The following TBC1D1 variants were observed in gnomAD, a reference collection of about 807,000 sequenced individuals.
The protein encoded by TBC1D1 is TBC1 domain family member 1.
Under a neutral mutation model 125.6 loss-of-function variants are expected in TBC1D1, and 89 were observed. The ratio of observed to expected loss-of-function variants is 0.71; its 90% confidence interval spans 0.60 to 0.85. The LOEUF (loss-of-function observed/expected upper bound fraction) is 0.85. Ranked by LOEUF, TBC1D1 falls within the 40% of genes least tolerant of loss-of-function variation. TBC1D1 has a pLI of 0.00. For synonymous variants in TBC1D1, 565 were observed against 564.1 expected, an observed-to-expected ratio of 1.00 and a Z score of -0.02; for missense variants, 1,377 against 1,469.2, an observed-to-expected ratio of 0.94 and a Z score of 1.03.
intron 2 of TBC1D1, among the ~76,000 whole-genome samples, chr4:37,929,470 C>T (rs993069622): frequency 1.3e-5 from 2 of 152,208 alleles, no homozygotes; most frequent in Admixed American, 6.5e-5. Context: ...ACCCCACCCT[C>T]GGACCCCTGG....
intron 6 of TBC1D1, among the ~76,000 whole-genome samples, chr4:38,022,990 G>A (rs1458300542): frequency 6.6e-6 from 1 of 152,136 alleles, no homozygotes; most frequent in African/African-American, 2.4e-5. Flanking sequence ...GCTGAGGTGG[G>A]CAGATCACTT....
intron 16 of TBC1D1, among the ~76,000 whole-genome samples, chr4:38,117,103 A>G (rs576064589): frequency 2.0e-5 from 3 of 152,038 alleles, no homozygotes; most frequent in Non-Finnish European, 4.4e-5. Context: ...TATGTAACAC[A>G]CAACTCTTTT....
intron 9 of TBC1D1, among the ~76,000 whole-genome samples, chr4:38,045,267 G>T (rs1179997232): frequency 6.6e-6 from 1 of 151,980 alleles, no homozygotes; most frequent in Non-Finnish European, 1.5e-5. Context: ...AGTTCTTTTT[G>T]ATTTTATGGC....
chr4:38,075,184 T>G (rs1222246518), intron 12 of TBC1D1, among the ~76,000 whole-genome samples: 1 of 152,256 alleles, frequency 6.6e-6, no homozygotes, highest in Non-Finnish European at 1.5e-5. Flanking sequence ...CATTTGAACT[T>G]GTCCACTTTA....
chr4:38,041,634 A>G (rs76895664), intron 8 of TBC1D1, among the ~76,000 whole-genome samples: 1 of 152,124 alleles, frequency 6.6e-6, no homozygotes, highest in African/African-American at 2.4e-5. Flanking sequence ...TGAGTGAATC[A>G]AAAAAAATTT....
chr4:38,061,497 T>C (rs771675305), intron 12 of TBC1D1, among the ~76,000 whole-genome samples: 2 of 152,244 alleles, frequency 1.3e-5, no homozygotes, highest in Non-Finnish European at 2.9e-5. Context: ...TTTTATACTT[T>C]TCCTTTAAGC....
intron 2 of TBC1D1, among the ~76,000 whole-genome samples, chr4:37,908,556 A>G (rs917738448): frequency 4.6e-5 from 7 of 152,142 alleles, no homozygotes; most frequent in African/African-American, 1.7e-4. Context: ...GAAATATGTC[A>G]TGGCTCTTCA....
In TBC1D1 at chr4:38,047,340, G is replaced by C. The variant is rs138115109; in HGVS notation, c.1629+1437G>C. ...AGATTCTGGTTCAGTAGGCAGGGTG[G>C]GGGGAGCCCTGAAATGCTGCATTTC... On this transcript the variant is annotated intron_variant, in intron 10 of 19. Coordinates refer to ENST00000261439, the MANE Select transcript of TBC1D1 (RefSeq NM_015173.4). Among the ~76,000 whole-genome samples, 453 of 152,208 alleles carry C rather than the reference G, an allele frequency of 3.0e-3. 2 individuals carry two copies. The highest frequency in any genetic ancestry group is 6.8e-3 in the Middle Eastern group (2 of 294).
chr4:37,964,660 C>T (rs534802584), intron 2 of TBC1D1, among the ~76,000 whole-genome samples: 17 of 152,340 alleles, frequency 1.1e-4, no homozygotes, highest in Admixed American at 3.9e-4. Context: ...CAGCCTACTG[C>T]GGGTCTCACT....
chr4:37,984,023 T>C (rs1324622760), intron 2 of TBC1D1, among the ~76,000 whole-genome samples: 1 of 152,228 alleles, frequency 6.6e-6, no homozygotes, highest in African/African-American at 2.4e-5. Flanking sequence ...AGTATATATG[T>C]AGCCTTTTCG....
chr4:37,982,497 T>C (rs1734534851), intron 2 of TBC1D1, among the ~76,000 whole-genome samples: 1 of 152,210 alleles, frequency 6.6e-6, no homozygotes, highest in African/African-American at 2.4e-5. Context: ...GCAAAGCTGG[T>C]ATAACCCTGA....
intron 12 of TBC1D1, among the ~76,000 whole-genome samples, chr4:38,088,271 A>T (rs1053800990): frequency 1.3e-5 from 2 of 152,214 alleles, no homozygotes; most frequent in Non-Finnish European, 2.9e-5. Context: ...CTAAGTATAC[A>T]GGGTTTGGGG....
chr4:38,105,586 C>T (rs549258683), intron 15 of TBC1D1, among the ~76,000 whole-genome samples: 4 of 152,206 alleles, frequency 2.6e-5, no homozygotes, highest in South Asian at 4.2e-4. Context: ...CCCTTGCCTT[C>T]CTCCCTCCCT....
chr4:38,085,540 T>G (rs1163393262), intron 12 of TBC1D1, among the ~76,000 whole-genome samples: 1 of 152,186 alleles, frequency 6.6e-6, no homozygotes, highest in Non-Finnish European at 1.5e-5. Context: ...GGCATATGTT[T>G]TCCCAAGAGG....
intron 10 of TBC1D1, among the ~76,000 whole-genome samples, chr4:38,047,046 C>G (rs1749625293): frequency 6.6e-6 from 1 of 152,192 alleles, no homozygotes; most frequent in African/African-American, 2.4e-5. Context: ...ACACACATAC[C>G]TACACATTCA....
chr4:38,001,874 A>G (rs1425382109), intron 2 of TBC1D1, among the ~76,000 whole-genome samples: 1 of 152,236 alleles, frequency 6.6e-6, no homozygotes, highest in Non-Finnish European at 1.5e-5. Context: ...CTTGTTAAAT[A>G]TGGCAGTAAG....
chr4:38,082,877 A>G (rs1305744065), intron 12 of TBC1D1, among the ~76,000 whole-genome samples: 1 of 152,000 alleles, frequency 6.6e-6, no homozygotes, highest in Non-Finnish European at 1.5e-5. Flanking sequence ...CCTCATCTCT[A>G]AGTCATCCTT....
intron 2 of TBC1D1, among the ~76,000 whole-genome samples, chr4:37,986,652 G>C (rs1394161062): frequency 6.6e-6 from 1 of 152,042 alleles, no homozygotes; most frequent in South Asian, 2.1e-4. Context: ...CGCCATGTTG[G>C]CCAGGTTGGT....
At chr4:37,925,552 C>A (rs1346836086) in intron 2 of TBC1D1, among the ~76,000 whole-genome samples, 1 of 151,642 alleles carries the variant, frequency 6.6e-6, no homozygotes, top group Non-Finnish European at 1.5e-5. Context: ...CCTGTCTCTA[C>A]TAAAAATACA....
Sources: gnomAD v4.1 joint callset for allele counts (sites outside exome capture counted in the v4.1 genomes callset) on GRCh38, gnomAD v4.1.1 for gene constraint, MANE v1.5 for transcripts, NCBI Gene and HGNC (gene_info 2026-07-23, HGNC 2026-07-21) for gene names.